The following AKAP19 variants were observed in gnomAD, a reference collection of about 807,000 sequenced individuals.
The protein encoded by AKAP19 is small A-kinase anchoring protein.
chr2:189,955,898 C>T, the AKAP19 span, among the ~76,000 whole-genome samples: 25 of 152,108 alleles, frequency 1.6e-4, no homozygotes, highest in African/African-American at 6.0e-4. Flanking sequence ...GTTAAGATAA[C>T]TCAGAAAATT....
the AKAP19 span, among the ~76,000 whole-genome samples, chr2:189,949,922 G>A: frequency 1.0e-3 from 152 of 151,538 alleles, no homozygotes; most frequent in Middle Eastern, 3.4e-3. Flanking sequence ...GAGCCACCAC[G>A]CCTGGCCTGT....
chr2:190,032,010 T>G, the AKAP19 span, among the ~76,000 whole-genome samples: 1 of 152,228 alleles, frequency 6.6e-6, no homozygotes, highest in African/African-American at 2.4e-5. Flanking sequence ...TATACATGTT[T>G]TAAAATATCC....
chr2:189,964,405 G>A, the AKAP19 span, among the ~76,000 whole-genome samples: 1 of 152,280 alleles, frequency 6.6e-6, no homozygotes, highest in South Asian at 2.1e-4. Flanking sequence ...ACGAGCATTG[G>A]CTTCAACTTA....
the AKAP19 span, among the ~76,000 whole-genome samples, chr2:189,992,049 GA>G: frequency 5.7e-5 from 5 of 87,306 alleles, no homozygotes; most frequent in Non-Finnish European, 8.3e-5. Context: ...CTATTAAATA[GA>G]TTTTTTTTTT....
At chr2:189,942,937 G>A in the AKAP19 span, among the ~76,000 whole-genome samples, 1 of 152,220 alleles carries the variant, frequency 6.6e-6, no homozygotes, top group Non-Finnish European at 1.5e-5. Context: ...ATGACTGAAA[G>A]TTGGAACTTA....
At chr2:189,988,426 G>T in the AKAP19 span, among the ~76,000 whole-genome samples, 7 of 152,160 alleles carry the variant, frequency 4.6e-5, no homozygotes, top group Admixed American at 2.0e-4. Context: ...TGTTTTACAA[G>T]AACAGTTTAG....
the AKAP19 span, among the ~76,000 whole-genome samples, chr2:189,952,842 A>C: frequency 1.3e-5 from 2 of 152,206 alleles, no homozygotes; most frequent in Admixed American, 6.5e-5. Flanking sequence ...ATTGGTTCTT[A>C]TATAACTATA....
chr2:190,094,012 G>T, the AKAP19 span, among the ~76,000 whole-genome samples: 1 of 152,172 alleles, frequency 6.6e-6, no homozygotes, highest in Non-Finnish European at 1.5e-5. Flanking sequence ...CTTTTATTAA[G>T]GACCAGAGCC....
chr2:189,985,494 T>C, the AKAP19 span, among the ~76,000 whole-genome samples: 190 of 152,306 alleles, frequency 1.2e-3, 2 homozygotes, highest in Middle Eastern at 0.01. Flanking sequence ...AATGCATATG[T>C]CCGTTGCTTT....
chr2:189,895,126 A>G, the AKAP19 span, among the ~76,000 whole-genome samples: 1 of 152,210 alleles, frequency 6.6e-6, no homozygotes, highest in African/African-American at 2.4e-5. Flanking sequence ...GATCACAACC[A>G]TTAACATAAA....
the AKAP19 span, among the ~76,000 whole-genome samples, chr2:189,919,030 T>A: frequency 6.6e-6 from 1 of 152,198 alleles, no homozygotes; most frequent in African/African-American, 2.4e-5. Flanking sequence ...TGGAAATAAT[T>A]CATAAGTTTT....
chr2:190,159,903 C>G, the AKAP19 span, among the ~76,000 whole-genome samples: 1 of 152,114 alleles, frequency 6.6e-6, no homozygotes, highest in Non-Finnish European at 1.5e-5. Context: ...AAACATTAAG[C>G]TATTATGAAC....
the AKAP19 span, chr2:190,057,709 G>A: frequency 6.6e-7 from 1 of 1,520,352 alleles, no homozygotes; most frequent in Non-Finnish European, 9.1e-7. Flanking sequence ...ACCTTAAGAA[G>A]TTATTGTTGA....
chr2:189,980,619 G>A, the AKAP19 span, among the ~76,000 whole-genome samples: 1 of 152,166 alleles, frequency 6.6e-6, no homozygotes, highest in Non-Finnish European at 1.5e-5. Flanking sequence ...ACAGGCATGA[G>A]CCACCATGCC....
At chr2:189,925,326 CTT>C in the AKAP19 span, among the ~76,000 whole-genome samples, 3 of 152,106 alleles carry the variant, frequency 2.0e-5, no homozygotes, top group Non-Finnish European at 4.4e-5. Flanking sequence ...TAAAATATAA[CTT>C]ATGCAAATAA....
At chr2:189,910,838 ATTAC>A in the AKAP19 span, among the ~76,000 whole-genome samples, 1 of 152,064 alleles carries the variant, frequency 6.6e-6, no homozygotes, top group East Asian at 1.9e-4. Context: ...TTTGTAACTT[ATTAC>A]TTATACTAGA....
chr2:189,933,010 T>A, the AKAP19 span, among the ~76,000 whole-genome samples: 1 of 152,216 alleles, frequency 6.6e-6, no homozygotes, highest in Non-Finnish European at 1.5e-5. Context: ...CTATGTCTCA[T>A]GCCCATCACT....
At chr2:189,974,741 T>G in the AKAP19 span, among the ~76,000 whole-genome samples, 1 of 152,246 alleles carries the variant, frequency 6.6e-6, no homozygotes, top group African/African-American at 2.4e-5. Flanking sequence ...GTAATGGTGT[T>G]CTTTGTCTCT....
the AKAP19 span, among the ~76,000 whole-genome samples, chr2:190,050,238 T>G: frequency 1.3e-5 from 2 of 152,320 alleles, no homozygotes; most frequent in South Asian, 4.1e-4. Context: ...TATTTGGACA[T>G]GTTGCCTGCC....
Sources: allele counts gnomAD v4.1 joint callset (sites outside exome capture counted in the v4.1 genomes callset), GRCh38; gene constraint gnomAD v4.1.1; transcripts MANE v1.5; gene names NCBI Gene and HGNC (gene_info 2026-07-23, HGNC 2026-07-21).